The following FNDC3A variants were observed in gnomAD, a reference collection of about 807,000 sequenced individuals.
The protein encoded by FNDC3A is fibronectin type-III domain-containing protein 3A.
In FNDC3A, 32 loss-of-function variants were observed where a neutral mutation model predicts 148.9. That is an observed-to-expected ratio of 0.21 (90% confidence interval 0.16 to 0.29). The LOEUF (loss-of-function observed/expected upper bound fraction) is 0.29. Among genes scored for constraint, FNDC3A ranks in the 10% least tolerant of loss-of-function variants. The pLI, the probability that FNDC3A is intolerant of heterozygous loss-of-function variation, is 1.00. For synonymous variants in FNDC3A, 472 were observed against 473.6 expected, an observed-to-expected ratio of 1.00 and a Z score of 0.04; for missense variants, 1,191 against 1,452.8, an observed-to-expected ratio of 0.82 and a Z score of 2.93.
chr13:49,025,964 T>C (rs965188349), intron 2 of FNDC3A, among the ~76,000 whole-genome samples: 1 of 152,192 alleles, frequency 6.6e-6, no homozygotes, highest in African/African-American at 2.4e-5. Flanking sequence ...AAGGCACACA[T>C]GTGCAAAACT....
intron 11 of FNDC3A, among the ~76,000 whole-genome samples, chr13:49,173,168 A>G (rs1044171696): frequency 6.6e-6 from 1 of 152,220 alleles, no homozygotes; most frequent in African/African-American, 2.4e-5. Flanking sequence ...ATCAGTTACC[A>G]TGTTCTCTCT....
In FNDC3A at chr13:49,207,142, G is replaced by A. The variant is rs888268244; in HGVS notation, c.3344G>A (p.Arg1115His). Residue 1115 changes from arginine (R) to histidine (H), a missense_variant, in exon 26 of 26, where the codon CGC becomes CAC. By Grantham distance (29) the Arg-to-His change is conservative. Coordinates refer to ENST00000492622, the MANE Select transcript of FNDC3A (RefSeq NM_001079673.2). ...AGCCTTCAGCTGAACTGTGAATATCGCTTCCGTGTATGTGCCATTCGCCAG... is the reference window on the plus strand; with the variant it reads ...AGCCTTCAGCTGAACTGTGAATATCACTTCCGTGTATGTGCCATTCGCCAG... ...YSSLQLNCEY[R>H]FRVCAIRQCQ... 25 of 1,613,880 alleles carry A rather than the reference G, an allele frequency of 1.5e-5. No homozygotes were observed. Among genetic ancestry groups the A allele is most frequent in the African/African-American group, 2.7e-5 (2 of 74,854 alleles).
intron 6 of FNDC3A, among the ~76,000 whole-genome samples, chr13:49,137,317 C>A (rs1882429102): frequency 6.6e-6 from 1 of 151,914 alleles, no homozygotes; most frequent in South Asian, 2.1e-4. Flanking sequence ...CTGACTTCTA[C>A]TCTATGAACT....
intron 4 of FNDC3A, among the ~76,000 whole-genome samples, chr13:49,126,316 A>G (rs865838207): frequency 1.3e-5 from 2 of 151,684 alleles, no homozygotes; most frequent in African/African-American, 4.9e-5. Flanking sequence ...TAAAATTACC[A>G]TCTTAACCTT....
At chr13:49,019,137 G>A (rs977113816) in intron 2 of FNDC3A, among the ~76,000 whole-genome samples, 12 of 152,252 alleles carry the variant, frequency 7.9e-5, no homozygotes, top group Non-Finnish European at 1.8e-4. Flanking sequence ...CACCCAGTTC[G>A]AGCTTCTGGG....
In FNDC3A at chr13:49,137,752, T is replaced by A. The variant is rs549670358; in HGVS notation, c.761-995T>A. On this transcript the variant is annotated intron_variant, in intron 6 of 25. Transcript: ENST00000492622. ...CTACAGTTGTGGAGTTAGTACCCAG[T>A]ACTTTTGATTGTAATGTTAAGCTTG... 3.8e-4 allele frequency among the ~76,000 whole-genome samples: 58 copies of A among 152,372 alleles called. 1 individual carries two copies. The South Asian group carries it at 4.8e-3, about 12-fold the overall frequency.
At chr13:49,094,227 TTAA>T (rs145978634) in intron 3 of FNDC3A, among the ~76,000 whole-genome samples, 1,721 of 152,176 alleles carry the variant, frequency 0.011, 35 homozygotes, top group African/African-American at 0.039. Flanking sequence ...ATTATTAGAG[TTAA>T]TAACAATAGG....
At chr13:49,034,731 A>G (rs1874372241) in intron 2 of FNDC3A, among the ~76,000 whole-genome samples, 1 of 152,032 alleles carries the variant, frequency 6.6e-6, no homozygotes, top group Admixed American at 6.5e-5. Flanking sequence ...AAAAAGATAA[A>G]TTAGTTTATT....
At chr13:49,004,027 G>A (rs1006278981) in intron 1 of FNDC3A, among the ~76,000 whole-genome samples, 1 of 152,112 alleles carries the variant, frequency 6.6e-6, no homozygotes, top group Non-Finnish European at 1.5e-5. Flanking sequence ...GTGGGCTGTG[G>A]CAGGGAAGAA....
At chr13:49,018,883 T>TG (rs1342747797) in intron 2 of FNDC3A, among the ~76,000 whole-genome samples, 1 of 152,234 alleles carries the variant, frequency 6.6e-6, no homozygotes, top group Non-Finnish European at 1.5e-5. Context: ...AGTCTGCCCC[T>TG]GCTGGGGGTG....
chr13:49,093,570 C>T (rs1215981782), intron 3 of FNDC3A, among the ~76,000 whole-genome samples: 1 of 152,066 alleles, frequency 6.6e-6, no homozygotes, highest in East Asian at 1.9e-4. Flanking sequence ...CCTGTAGTTA[C>T]CAGTTACTGA....
intron 4 of FNDC3A, among the ~76,000 whole-genome samples, chr13:49,119,429 C>T (rs1881188255): frequency 6.6e-6 from 1 of 152,020 alleles, no homozygotes; most frequent in Admixed American, 6.6e-5. Context: ...TTCCAAAAGC[C>T]TCCTGCAAAG....
chr13:49,060,700 C>A (rs981625241), intron 2 of FNDC3A, among the ~76,000 whole-genome samples: 1 of 145,580 alleles, frequency 6.9e-6, no homozygotes, highest in Non-Finnish European at 1.5e-5. Context: ...TTGATTAAAC[C>A]TTAAAAACAC....
chr13:48,995,655 G>A (rs917256832), intron 1 of FNDC3A, among the ~76,000 whole-genome samples: 2 of 152,012 alleles, frequency 1.3e-5, no homozygotes, highest in Non-Finnish European at 2.9e-5. Flanking sequence ...GACATTTAAG[G>A]TGAACTGAAA....
At chr13:49,189,145 G>A (rs1176242161) in intron 17 of FNDC3A, among the ~76,000 whole-genome samples, 2 of 150,314 alleles carry the variant, frequency 1.3e-5, no homozygotes, top group African/African-American at 4.9e-5. Flanking sequence ...TTCTAGGGAT[G>A]TATGTTTATT....
chr13:49,166,535 T>C (rs1884471236), intron 8 of FNDC3A, among the ~76,000 whole-genome samples: 1 of 152,156 alleles, frequency 6.6e-6, no homozygotes, highest in Admixed American at 6.5e-5. Context: ...GTGAACTCCC[T>C]CTCTTGAGCA....
intron 2 of FNDC3A, among the ~76,000 whole-genome samples, chr13:49,042,694 T>C (rs1203636219): frequency 6.6e-6 from 1 of 152,148 alleles, no homozygotes; most frequent in Non-Finnish European, 1.5e-5. Context: ...GGAGGATTGC[T>C]TGAGTCAGAG....
intron 4 of FNDC3A, among the ~76,000 whole-genome samples, chr13:49,118,071 A>T (rs1881080905): frequency 6.6e-6 from 1 of 152,260 alleles, no homozygotes. Context: ...GATGAAGATT[A>T]TCTCTAGAAA....
In FNDC3A at chr13:49,167,258, A is replaced by G; in HGVS notation, c.992A>G (p.Asn331Ser). 5 of 1,601,966 alleles carry G rather than the reference A, an allele frequency of 3.1e-6. No individual in the cohort carries two copies. The South Asian group carries it at 4.5e-5, about 14-fold the overall frequency. The change falls in exon 9 of 26, where the codon AAT (asparagine) becomes AGT (serine). Residue 331 changes from asparagine (N) to serine (S), a missense_variant. Asn to Ser is a conservative substitution (Grantham distance 46). This residue lies in a region of FNDC3A where 426 missense variants were observed against 473.2 expected (regional missense o/e 0.90). Transcript: ENST00000492622. ...YKSVYVGEETNITLNDLKPAM... is the reference protein window; with the variant it reads ...YKSVYVGEETSITLNDLKPAM... The stretch of plus-strand genomic sequence containing the variant: ...TTTTTCCCCAGAGGAGAAGAAACAA[A>G]TATCACTTTAAATGATCTCAAGCCA...
Sources: allele counts gnomAD v4.1 joint callset (sites outside exome capture counted in the v4.1 genomes callset), GRCh38; gene constraint gnomAD v4.1.1; regional missense constraint gnomAD v4.1.1; transcripts MANE v1.5; gene names NCBI Gene and HGNC (gene_info 2026-07-23, HGNC 2026-07-21).